ST3GAL3: variants seen among roughly 807,000 people sequenced by gnomAD.
ST3GAL3 encodes CMP-N-acetylneuraminate-beta-1,4-galactoside alpha-2,3-sialyltransferase.
Under a neutral mutation model 50.1 loss-of-function variants are expected in ST3GAL3, and 21 were observed. That is an observed-to-expected ratio of 0.42 (90% CI 0.30 to 0.60). The LOEUF is 0.60. Ranked by LOEUF, ST3GAL3 falls within the 20% of genes least tolerant of loss-of-function variation. The probability of loss-of-function intolerance (pLI) is 0.19; values close to 1 mark genes in which losing one functional copy is unlikely to be tolerated. For synonymous variants in ST3GAL3, 183 were observed against 190.0 expected (o/e 0.96, Z 0.30); for missense variants, 353 against 489.4 (o/e 0.72, Z 2.63).
At chr1:43,799,902 G>A (rs974016678) in intron 3 of ST3GAL3, among the ~76,000 whole-genome samples, 5 of 152,150 alleles carry the variant, frequency 3.3e-5, no homozygotes, top group Non-Finnish European at 5.9e-5. Context: ...GCTGTGAATA[G>A]GATTAAATTC....
chr1:43,828,582 C>T (rs2063124109), intron 4 of ST3GAL3, among the ~76,000 whole-genome samples: 3 of 151,860 alleles, frequency 2.0e-5, no homozygotes, highest in Admixed American at 2.0e-4. Flanking sequence ...AAAAAATGGG[C>T]AAAAGAACCA....
intron 2 of ST3GAL3, among the ~76,000 whole-genome samples, chr1:43,777,072 A>G (rs562030381): frequency 3.0e-4 from 46 of 152,306 alleles, no homozygotes; most frequent in South Asian, 1.0e-3. Context: ...CATGTATATT[A>G]TATAGGTCCT....
intron 1 of ST3GAL3, among the ~76,000 whole-genome samples, chr1:43,734,542 T>G (rs1237844150): frequency 6.6e-6 from 1 of 152,138 alleles, no homozygotes; most frequent in East Asian, 1.9e-4. Context: ...ACTCCAGGGC[T>G]CAAGCAGTTC....
chr1:43,858,218 C>T (rs2069000875), intron 5 of ST3GAL3: 9 of 1,289,232 alleles, frequency 7.0e-6, no homozygotes, highest in Non-Finnish European at 9.1e-6. Flanking sequence ...ATTGTGGGGA[C>T]ACAGAGAAGG....
chr1:43,776,074 G>T (rs749439438), intron 2 of ST3GAL3, among the ~76,000 whole-genome samples: 1 of 152,100 alleles, frequency 6.6e-6, no homozygotes, highest in Non-Finnish European at 1.5e-5. Flanking sequence ...CTTACTTAAA[G>T]TTCAAAATTC....
At chr1:43,713,840 T>C (rs934231506) in intron 1 of ST3GAL3, among the ~76,000 whole-genome samples, 15 of 152,250 alleles carry the variant, frequency 9.9e-5, no homozygotes, top group African/African-American at 3.6e-4. Flanking sequence ...CCAGCCACGT[T>C]GTGGTTTTAT....
intron 9 of ST3GAL3, chr1:43,914,343 T>C (rs1158939481): frequency 1.3e-5 from 2 of 152,164 alleles, no homozygotes; most frequent in African/African-American, 4.8e-5. Flanking sequence ...AAATGGGACA[T>C]GGGCACCAGA....
At chr1:43,875,950 C>CTTCTTATTATTA (rs1376185854) in intron 5 of ST3GAL3, among the ~76,000 whole-genome samples, 1 of 74,016 alleles carries the variant, frequency 1.4e-5, no homozygotes, top group Non-Finnish European at 3.0e-5. Flanking sequence ...TCTTCTTCTT[C>CTTCTTATTATTA]TTATTATTAT....
chr1:43,853,159 C>G (rs1002925637), intron 5 of ST3GAL3, among the ~76,000 whole-genome samples: 1 of 152,042 alleles, frequency 6.6e-6, no homozygotes, highest in Non-Finnish European at 1.5e-5. Context: ...AGTTGGTGGC[C>G]AGTAGGGCCA....
chr1:43,744,861 T>C (rs1364719871), intron 2 of ST3GAL3, among the ~76,000 whole-genome samples: 1 of 151,660 alleles, frequency 6.6e-6, no homozygotes, highest in Admixed American at 6.6e-5. Flanking sequence ...CGTGATGGCA[T>C]GTGCCTGTAA....
At chr1:43,902,344 A>G (rs2078427273) in intron 9 of ST3GAL3, among the ~76,000 whole-genome samples, 3 of 152,108 alleles carry the variant, frequency 2.0e-5, no homozygotes, top group South Asian at 4.1e-4. Context: ...GCCACTTACT[A>G]CATGAGGAGT....
Position 43,898,309 on chromosome 1 carries a change from C to A in ST3GAL3, c.461+11C>A. 1 of 1,613,064 alleles carries A rather than the reference C, an allele frequency of 6.2e-7. No homozygotes were observed. The highest frequency in any genetic ancestry group is 8.5e-7 in the Non-Finnish European group (1 of 1,179,954). The stretch of plus-strand genomic sequence containing the variant: ...CCCTGCCTTGGACAGGTGAGCCACA[C>A]ACTGTGCAGCCTCCTACCCACCGCT... On this transcript the variant is annotated intron_variant, in intron 7 of 11. Coordinates refer to ENST00000347631, the MANE Select transcript of ST3GAL3 (RefSeq NM_006279.5).
chr1:43,765,774 TGTGTGTGTGTGCGC>T lies in ST3GAL3; in HGVS notation c.119-26326_119-26313del, dbSNP rs1415547045. On this transcript the variant is annotated intron_variant, in intron 2 of 11. Coordinates refer to ENST00000347631, the MANE Select transcript of ST3GAL3 (RefSeq NM_006279.5). ...GTGTCTGTGTGTGTGTGTGTGTGTG[TGTGTGTGTGTGCGC>T]GCGCGCGCGCGCGTCCGCGCGTCCG... is the stretch of plus-strand genomic sequence containing the variant. 3.1e-3 allele frequency among the ~76,000 whole-genome samples: 398 copies of T among 126,850 alleles called. 2 individuals are homozygous for T. Among genetic ancestry groups the T allele is most frequent in the African/African-American group, 0.011 (345 of 31,782 alleles). The allele number at this position is 126,850 out of a possible 152,430, so 83.2% of individuals were successfully genotyped here.
intron 2 of ST3GAL3, among the ~76,000 whole-genome samples, chr1:43,766,095 C>T (rs1039414067): frequency 2.6e-5 from 4 of 152,130 alleles, no homozygotes; most frequent in Non-Finnish European, 4.4e-5. Context: ...GAGGAAATTA[C>T]AAGGAAATAG....
chr1:43,757,165 A>G (rs937626686), intron 2 of ST3GAL3, among the ~76,000 whole-genome samples: 4 of 152,118 alleles, frequency 2.6e-5, no homozygotes, highest in African/African-American at 9.7e-5. Context: ...TCAGCCTCTC[A>G]AAGTGCTGGG....
intron 7 of ST3GAL3, among the ~76,000 whole-genome samples, chr1:43,898,735 G>A (rs903838986): frequency 6.6e-6 from 1 of 152,130 alleles, no homozygotes; most frequent in African/African-American, 2.4e-5. Flanking sequence ...GCTGCTGGGA[G>A]CCTTGAGTCC....
chr1:43,855,936 T>A (rs1481927236), intron 5 of ST3GAL3, among the ~76,000 whole-genome samples: 2 of 152,102 alleles, frequency 1.3e-5, no homozygotes, highest in Non-Finnish European at 2.9e-5. Context: ...CACATGGATA[T>A]AACAGGAACA....
intron 1 of ST3GAL3, among the ~76,000 whole-genome samples, chr1:43,712,668 A>G (rs1665362117): frequency 6.6e-6 from 1 of 151,990 alleles, no homozygotes; most frequent in South Asian, 2.1e-4. Flanking sequence ...CTGGTTTTCT[A>G]GGGAAGTTCA....
At chr1:43,877,526 T>C (rs371039598) in intron 5 of ST3GAL3, among the ~76,000 whole-genome samples, 1 of 152,142 alleles carries the variant, frequency 6.6e-6, no homozygotes, top group African/African-American at 2.4e-5. Context: ...TAGGGGAAGA[T>C]AATGGGCTCC....
Sources: allele counts gnomAD v4.1 joint callset (sites outside exome capture counted in the v4.1 genomes callset), GRCh38; gene constraint gnomAD v4.1.1; transcripts MANE v1.5; gene names NCBI Gene and HGNC (gene_info 2026-07-23, HGNC 2026-07-21).